The following TRPC3 variants were observed in gnomAD, a reference collection of about 807,000 sequenced individuals.
TRPC3 encodes the protein short transient receptor potential channel 3.
Under a neutral mutation model 90.9 loss-of-function variants are expected in TRPC3, and 54 were observed. The ratio of observed to expected loss-of-function variants is 0.59; its 90% CI spans 0.48 to 0.75. The LOEUF (loss-of-function observed/expected upper bound fraction) is 0.75. TRPC3 is among the 30% of genes least tolerant of loss of function. The pLI is 0.00. For missense variants in TRPC3, 918 were observed against 1,194.5 expected (o/e 0.77, Z 3.41); for synonymous variants, 424 against 450.9 (o/e 0.94, Z 0.75).
At chr4:121,941,608 AAGAAAAGACAAGAAAGTCAGAG>A (rs1730314123) in intron 1 of TRPC3, among the ~76,000 whole-genome samples, 5 of 27,586 alleles carry the variant, frequency 1.8e-4, no homozygotes, top group Non-Finnish European at 3.7e-4. Flanking sequence ...AAAGTCAGAG[AAGAAAAGACAAGAAAGTCAGAG>A]AAGAAAAGTC....
At chr4:121,905,057 T>C (rs756333217) in intron 7 of TRPC3, among the ~76,000 whole-genome samples, 7 of 152,098 alleles carry the variant, frequency 4.6e-5, no homozygotes, top group Non-Finnish European at 8.8e-5. Flanking sequence ...ATGCAGTCAC[T>C]GTAGGAAAAT....
At chr4:121,887,696 C>G (rs1241575735) in intron 10 of TRPC3, among the ~76,000 whole-genome samples, 2 of 152,218 alleles carry the variant, frequency 1.3e-5, no homozygotes, top group African/African-American at 4.8e-5. Context: ...GAATAAAACT[C>G]AAGAACTCAT....
chr4:121,924,572 C>G (rs1009838101), intron 3 of TRPC3, among the ~76,000 whole-genome samples: 2 of 152,198 alleles, frequency 1.3e-5, no homozygotes, highest in Non-Finnish European at 2.9e-5. Context: ...GTCTTGCTTG[C>G]TCTGTTGCCC....
At chr4:121,922,407 C>T (rs182628359) in intron 3 of TRPC3, among the ~76,000 whole-genome samples, 43 of 152,276 alleles carry the variant, frequency 2.8e-4, no homozygotes, top group African/African-American at 9.1e-4. Context: ...CTAATTAATA[C>T]TCCTTTTATA....
intron 1 of TRPC3, among the ~76,000 whole-genome samples, chr4:121,935,107 T>C (rs565459205): frequency 2.0e-4 from 31 of 152,364 alleles, no homozygotes; most frequent in African/African-American, 7.2e-4. Flanking sequence ...ACTTTTTACT[T>C]TTCACTTATA....
intron 6 of TRPC3, among the ~76,000 whole-genome samples, 169 bp downstream of exon 6, chr4:121,909,985 C>A (rs1729023610): frequency 1.3e-5 from 2 of 152,070 alleles, no homozygotes; most frequent in African/African-American, 4.8e-5. Context: ...GGGGTCAGAG[C>A]CTTGAAATGA....
chr4:121,945,768 C>T (rs538424189), intron 1 of TRPC3, among the ~76,000 whole-genome samples: 2 of 152,160 alleles, frequency 1.3e-5, no homozygotes, highest in South Asian at 2.1e-4. Flanking sequence ...ATGCTCTAGA[C>T]GTGGGGATAC....
chr4:121,891,861 T>C (rs761366355), intron 10 of TRPC3, among the ~76,000 whole-genome samples: 3 of 152,214 alleles, frequency 2.0e-5, no homozygotes, highest in Non-Finnish European at 4.4e-5. Context: ...CCTTGTTAAG[T>C]TGGTATATAA....
At position 121,876,273 on chromosome 4, in the gene TRPC3, C is replaced by T. The variant is rs1202411683; in HGVS notation, c.*3463G>A. Among the ~76,000 whole-genome samples the T allele has an allele frequency of 6.6e-6, 1 of 151,730 alleles. No homozygotes were observed. The highest frequency in any genetic ancestry group is 2.4e-5 in the African/African-American group (1 of 41,240). On this transcript the variant is annotated 3_prime_UTR_variant, in exon 12 of 12. Transcript: ENST00000379645. ...GACTAGCCTGGACAACATAGTGAGA[C>T]CCGCCTCTAAAAATGTATTTTAAAA... is the stretch of plus-strand genomic sequence containing the variant.
intron 8 of TRPC3, among the ~76,000 whole-genome samples, chr4:121,904,098 G>A (rs761437720): frequency 7.9e-5 from 12 of 152,114 alleles, no homozygotes; most frequent in Non-Finnish European, 1.6e-4. Flanking sequence ...GAGAGAAGGC[G>A]GAGCAGCAGT....
At chr4:121,933,252 G>T in intron 1 of TRPC3, 2 of 1,071,134 alleles carry the variant, frequency 1.9e-6, no homozygotes, top group Non-Finnish European at 2.4e-6. Flanking sequence ...AAGGAAGCCG[G>T]CAGCCCTTCA....
At chr4:121,942,147 A>T (rs1730341027) in intron 1 of TRPC3, among the ~76,000 whole-genome samples, 1 of 152,238 alleles carries the variant, frequency 6.6e-6, no homozygotes, top group Admixed American at 6.5e-5. Context: ...ACACATAAAA[A>T]TTTAAAATAT....
chr4:121,937,180 G>T (rs553286748), intron 1 of TRPC3, among the ~76,000 whole-genome samples: 1 of 152,286 alleles, frequency 6.6e-6, no homozygotes, highest in East Asian at 1.9e-4. Flanking sequence ...GTTGAAATCA[G>T]ATTTCTGGGC....
At position 121,904,324 on chromosome 4, in the gene TRPC3, C is replaced by T; in HGVS notation, c.2251G>A (p.Glu751Lys). Residue 751 changes from glutamate (E) to lysine (K), a missense_variant and splice_region_variant, in exon 8 of 12, where the codon GAG becomes AAG. Glu to Lys is a moderately conservative substitution (Grantham distance 56). Transcript: ENST00000379645. ...AMINSSYQEI[E>K]DDSDVEWKFA... ...CTATGGATAGAAAACCGATTTACCT[C>T]AATTTCTTGATATGAGCTATTAATC... The T allele has an allele frequency of 6.3e-7, 1 of 1,597,406 alleles. No individual in the cohort carries two copies. The highest frequency in any genetic ancestry group is 8.5e-7 in the Non-Finnish European group (1 of 1,175,774).
intron 5 of TRPC3, 54 bp from the exon 6 acceptor site, chr4:121,910,441 A>C (rs894964892): frequency 7.0e-7 from 1 of 1,435,864 alleles, no homozygotes; most frequent in Non-Finnish European, 9.7e-7. Context: ...CAGACTGAGA[A>C]GCCATTATTG....
Position 121,879,667 on chromosome 4 carries a change from G to T in TRPC3, c.*69C>A. 6.7e-7 allele frequency: 1 copy of T among 1,498,076 alleles called. No homozygotes were observed. 92.8% of individuals were successfully genotyped at this position (1,498,076 alleles called of 1,614,324 possible). Reference sequence around the variant, plus strand: ...AAAAATTTACATCATAGTTTTTCAAGTATTTCATACTTAGAAATATTATTG... The same window carrying T: ...AAAAATTTACATCATAGTTTTTCAATTATTTCATACTTAGAAATATTATTG... On this transcript the variant is annotated 3_prime_UTR_variant, in exon 12 of 12. Coordinates refer to ENST00000379645, the MANE Select transcript of TRPC3 (RefSeq NM_001130698.2).
intron 10 of TRPC3, among the ~76,000 whole-genome samples, chr4:121,892,702 G>T (rs1038841335): frequency 6.6e-6 from 1 of 152,040 alleles, no homozygotes; most frequent in Non-Finnish European, 1.5e-5. Flanking sequence ...ATACACAAAA[G>T]ACCTAATAAA....
chr4:121,912,188 G>T, intron 4 of TRPC3, 95 bp from the exon 5 acceptor site: 1 of 1,047,662 alleles, frequency 9.5e-7, no homozygotes, highest in Non-Finnish European at 1.3e-6. Context: ...GATGAAAGGA[G>T]AACACTCAAA....
rs1727719539 is a variant in TRPC3 at position 121,874,689 on chromosome 4, C to T, written c.*5047G>A. The stretch of plus-strand genomic sequence containing the variant: ...TATAAGCACACCAGTCATATTATCT[C>T]ATTTTAAATTAATTACCTCTTTAAA... On this transcript the variant is annotated 3_prime_UTR_variant, in exon 12 of 12. Transcript: ENST00000379645. 6.6e-6 allele frequency among the ~76,000 whole-genome samples: 1 copy of T among 152,190 alleles called. No individual in the cohort carries two copies. Among genetic ancestry groups the T allele is most frequent in the Non-Finnish European group, 1.5e-5 (1 of 68,038 alleles).
Sources: gnomAD v4.1 joint callset for allele counts (sites outside exome capture counted in the v4.1 genomes callset) on GRCh38, gnomAD v4.1.1 for gene constraint, MANE v1.5 for transcripts, NCBI Gene and HGNC (gene_info 2026-07-23, HGNC 2026-07-21) for gene names.